Variants in CFAP299 observed in about 807,000 individuals in gnomAD.
CFAP299 encodes cilia- and flagella-associated protein 299.
CFAP299 carries 21 observed loss-of-function variants against 27.0 expected under a neutral mutation model. The observed-to-expected ratio is 0.78, with a 90% CI of 0.55 to 1.12. CFAP299 has a LOEUF of 1.12. Among genes scored for constraint, CFAP299 ranks in the 50% most tolerant of loss-of-function variants. The pLI is 0.00. For synonymous variants in CFAP299, 104 were observed against 98.1 expected (o/e 1.06, Z -0.36); for missense variants, 310 against 276.6 (o/e 1.12, Z -0.86).
chr4:80,371,570 A>G (rs957370406), intron 2 of CFAP299, among the ~76,000 whole-genome samples: 2 of 152,200 alleles, frequency 1.3e-5, no homozygotes, highest in African/African-American at 4.8e-5. Flanking sequence ...AGCAGCCAGG[A>G]CATATCCTGA....
At chr4:80,864,270 A>G (rs1732555762) in intron 3 of CFAP299, among the ~76,000 whole-genome samples, 1 of 151,586 alleles carries the variant, frequency 6.6e-6, no homozygotes, top group South Asian at 2.1e-4. Context: ...TGAATAACAA[A>G]GCTTTCAGTT....
chr4:80,377,642 C>T (rs1724483934), intron 2 of CFAP299, among the ~76,000 whole-genome samples: 1 of 151,984 alleles, frequency 6.6e-6, no homozygotes, highest in Non-Finnish European at 1.5e-5. Flanking sequence ...TTGATTCCTA[C>T]AAATAAGCCT....
At chr4:80,706,557 T>G (rs1246268348) in intron 3 of CFAP299, among the ~76,000 whole-genome samples, 6 of 151,818 alleles carry the variant, frequency 4.0e-5, no homozygotes, top group Non-Finnish European at 7.4e-5. Flanking sequence ...ATAGCCAGAG[T>G]AATTATAAAG....
chr4:80,646,132 T>C (rs1236387538), intron 3 of CFAP299, among the ~76,000 whole-genome samples: 1 of 152,116 alleles, frequency 6.6e-6, no homozygotes, highest in Non-Finnish European at 1.5e-5. Context: ...ACAATTTAAC[T>C]ACCAAGCCAC....
chr4:80,631,237 AT>A (rs940314315), intron 3 of CFAP299, among the ~76,000 whole-genome samples: 1 of 152,032 alleles, frequency 6.6e-6, no homozygotes, highest in African/African-American at 2.4e-5. Flanking sequence ...TCATTATTTT[AT>A]AATTTATTTT....
At chr4:80,651,891 A>G (rs1362972948) in intron 3 of CFAP299, among the ~76,000 whole-genome samples, 5 of 152,094 alleles carry the variant, frequency 3.3e-5, no homozygotes, top group Admixed American at 3.3e-4. Context: ...TATGAATTAG[A>G]GGAATCATTT....
intron 2 of CFAP299, among the ~76,000 whole-genome samples, chr4:80,573,544 A>G (rs1307901393): frequency 2.6e-5 from 4 of 152,134 alleles, no homozygotes; most frequent in Admixed American, 6.5e-5. Context: ...GCCCAGATCA[A>G]TGTCCCAGAG....
chr4:80,340,843 T>A (rs1275070384), intron 1 of CFAP299, among the ~76,000 whole-genome samples: 1 of 152,060 alleles, frequency 6.6e-6, no homozygotes, highest in African/African-American at 2.4e-5. Flanking sequence ...TGGTGCGATC[T>A]CGGCTCACAG....
intron 4 of CFAP299, among the ~76,000 whole-genome samples, chr4:80,895,703 A>G (rs1279022497): frequency 1.3e-5 from 2 of 152,044 alleles, no homozygotes; most frequent in East Asian, 3.9e-4. Flanking sequence ...TCAAAGCTAT[A>G]TAGGAGCAGC....
At chr4:80,896,755 C>T (rs997698652) in intron 4 of CFAP299, among the ~76,000 whole-genome samples, 1 of 152,100 alleles carries the variant, frequency 6.6e-6, no homozygotes, top group African/African-American at 2.4e-5. Context: ...TATTCCTTCA[C>T]TGACAGATTT....
At chr4:80,323,859 G>A in the CFAP299 span, among the ~76,000 whole-genome samples, 1 of 152,134 alleles carries the variant, frequency 6.6e-6, no homozygotes, top group African/African-American at 2.4e-5. Flanking sequence ...AGATACACAA[G>A]TTTTAGGTTA....
intron 2 of CFAP299, among the ~76,000 whole-genome samples, chr4:80,438,491 A>G (rs1458605577): frequency 6.6e-6 from 1 of 152,196 alleles, no homozygotes; most frequent in Non-Finnish European, 1.5e-5. Context: ...TGTGAGGATT[A>G]AGGTTGTCTG....
intron 2 of CFAP299, among the ~76,000 whole-genome samples, chr4:80,447,130 G>GTTTTTTTTTTTTTTTTTTTTTT (rs1553923883): frequency 1.5e-4 from 16 of 105,302 alleles, no homozygotes; most frequent in African/African-American, 4.8e-4. Context: ...TTTTTTTTTT[G>GTTTTTTTTTTTTTTTTTTTTTT]TTTTTTTTTT....
chr4:80,657,307 C>G (rs1200398466), intron 3 of CFAP299, among the ~76,000 whole-genome samples: 4 of 152,050 alleles, frequency 2.6e-5, no homozygotes, highest in Admixed American at 6.6e-5. Context: ...TTGCCCATGC[C>G]TATGTACTGA....
intron 5 of CFAP299, among the ~76,000 whole-genome samples, chr4:80,949,459 T>C (rs985244306): frequency 1.1e-4 from 17 of 151,926 alleles, no homozygotes; most frequent in African/African-American, 4.1e-4. Context: ...GGAAGTAAAC[T>C]TTTAGTGGGG....
At chr4:80,869,884 G>T (rs933722032) in intron 3 of CFAP299, 109 bp from the exon 4 acceptor site, 19 of 1,049,444 alleles carry the variant, frequency 1.8e-5, no homozygotes, top group Non-Finnish European at 2.0e-5. Flanking sequence ...CAGAAGCCCT[G>T]CTTCCTATGG....
At chr4:80,410,476 ATAGAAGC>A (rs1726667122) in intron 2 of CFAP299, among the ~76,000 whole-genome samples, 2 of 152,194 alleles carry the variant, frequency 1.3e-5, no homozygotes, top group African/African-American at 4.8e-5. Flanking sequence ...GTATCCAAGG[ATAGAAGC>A]TAGAATTCAG....
chr4:80,893,607 A>G (rs1734454970), intron 4 of CFAP299, among the ~76,000 whole-genome samples: 1 of 151,932 alleles, frequency 6.6e-6, no homozygotes, highest in Non-Finnish European at 1.5e-5. Context: ...CAAGAACACA[A>G]TGTGGAAAGG....
At chr4:80,628,462 A>G (rs1739029995) in intron 3 of CFAP299, among the ~76,000 whole-genome samples, 1 of 152,112 alleles carries the variant, frequency 6.6e-6, no homozygotes, top group East Asian at 1.9e-4. Flanking sequence ...ACAGGCAACA[A>G]AAGCAAAAAT....
Sources: allele counts gnomAD v4.1 joint callset (sites outside exome capture counted in the v4.1 genomes callset), GRCh38; gene constraint gnomAD v4.1.1; transcripts MANE v1.5; gene names NCBI Gene and HGNC (gene_info 2026-07-23, HGNC 2026-07-21).